The following ELAVL4 variants were observed in gnomAD, a reference collection of about 807,000 sequenced individuals.
ELAVL4 encodes ELAV like RNA binding protein 4.
In ELAVL4, 1 loss-of-function variant was observed where a neutral mutation model predicts 35.6. The observed-to-expected ratio is 0.03, with a 90% CI of 0.01 to 0.13. The LOEUF (loss-of-function observed/expected upper bound fraction) is 0.13, where lower values mean the gene tolerates loss of function less well. ELAVL4 is among the 10% of genes least tolerant of loss of function. The pLI is 1.00. For missense variants in ELAVL4, 267 were observed against 464.9 expected, an observed-to-expected ratio of 0.57 and a Z score of 3.91; for synonymous variants, 156 against 171.0, an observed-to-expected ratio of 0.91 and a Z score of 0.69.
intron 1 of ELAVL4, among the ~76,000 whole-genome samples, chr1:50,058,001 T>C (rs1428207293): frequency 6.6e-6 from 1 of 152,234 alleles, no homozygotes; most frequent in Non-Finnish European, 1.5e-5. Context: ...ATTCTTACAA[T>C]AAAATAATTT....
intron 2 of ELAVL4, among the ~76,000 whole-genome samples, chr1:50,159,247 GATA>G (rs1433296366): frequency 6.6e-6 from 1 of 152,128 alleles, no homozygotes; most frequent in East Asian, 1.9e-4. Flanking sequence ...GCGCTTAATT[GATA>G]ATGTTTTTTA....
intron 1 of ELAVL4, among the ~76,000 whole-genome samples, chr1:50,124,832 G>GA (rs1409844745): frequency 1.3e-5 from 2 of 152,038 alleles, no homozygotes; most frequent in African/African-American, 4.8e-5. Flanking sequence ...CTGTAAACTA[G>GA]GGTTGTTGTG....
In ELAVL4 at chr1:50,202,533, TA is replaced by T. The variant is rs1644429816; in HGVS notation, c.*1357del. 1.3e-5 allele frequency: 2 copies of T among 152,204 alleles called. No individual in the cohort carries two copies. The allele number at this position is 152,204 out of a possible 1,614,324, so 9.4% of individuals were successfully genotyped here. On this transcript the variant is annotated 3_prime_UTR_variant, in exon 7 of 7. Coordinates refer to ENST00000371824, the MANE Select transcript of ELAVL4 (RefSeq NM_001144774.3). ...ATGTTGCTTGAAACACTTATTTATT[TA>T]ATCGCCGATGTGATGATGCCTATGG...
chr1:50,191,745 C>T (rs1398952971), intron 3 of ELAVL4, among the ~76,000 whole-genome samples: 3 of 151,806 alleles, frequency 2.0e-5, no homozygotes, highest in Non-Finnish European at 4.4e-5. Context: ...TGATCTGAGC[C>T]CTGAAGAGGA....
At chr1:50,141,110 A>G (rs1354460942) in intron 1 of ELAVL4, among the ~76,000 whole-genome samples, 1 of 152,194 alleles carries the variant, frequency 6.6e-6, no homozygotes, top group African/African-American at 2.4e-5. Context: ...AGATGTTCAC[A>G]TGGACAAGTG....
At chr1:50,090,353 G>A (rs1665434721) in intron 1 of ELAVL4, among the ~76,000 whole-genome samples, 1 of 152,120 alleles carries the variant, frequency 6.6e-6, no homozygotes, top group Non-Finnish European at 1.5e-5. Context: ...AGCCAGTAGT[G>A]TAGAGAAAGA....
At chr1:50,162,673 T>A (rs1677010721) in intron 2 of ELAVL4, among the ~76,000 whole-genome samples, 1 of 151,032 alleles carries the variant, frequency 6.6e-6, no homozygotes, top group South Asian at 2.1e-4. Context: ...AACCTCTGCC[T>A]CTTGGGTTCA....
At chr1:50,186,745 G>A (rs1681881732) in intron 3 of ELAVL4, among the ~76,000 whole-genome samples, 1 of 152,192 alleles carries the variant, frequency 6.6e-6, no homozygotes, top group South Asian at 2.1e-4. Context: ...AGATTCCAGA[G>A]GGCTTTGAAT....
intron 3 of ELAVL4, among the ~76,000 whole-genome samples, chr1:50,182,989 C>G (rs1681278593): frequency 6.6e-6 from 1 of 151,784 alleles, no homozygotes; most frequent in Non-Finnish European, 1.5e-5. Flanking sequence ...TCCCGAGTAG[C>G]TGGGATTACA....
Position 50,201,130 on chromosome 1 carries a change from C to T in ELAVL4, c.1053C>T (p.Asp351=). Residue 351 remains aspartate (D), a synonymous_variant, in exon 7 of 7, where the codon GAC becomes GAT. Coordinates refer to ENST00000371824, the MANE Select transcript of ELAVL4 (RefSeq NM_001144774.3). This position sits in a 1 kb window ranked among gnomAD's most constrained non-coding sequence, Gnocchi z 4.3. ...IASLNGYRLG[D]RVLQVSFKTN... ...GCCTCAACGGGTACCGCCTGGGAGACAGAGTGTTGCAAGTTTCCTTTAAAA... is the reference window on the plus strand; with the variant it reads ...GCCTCAACGGGTACCGCCTGGGAGATAGAGTGTTGCAAGTTTCCTTTAAAA... 6.2e-7 allele frequency: 1 copy of T among 1,611,098 alleles called. No homozygotes were observed. Among genetic ancestry groups the T allele is most frequent in the Non-Finnish European group, 8.5e-7 (1 of 1,178,460 alleles).
intron 1 of ELAVL4, among the ~76,000 whole-genome samples, chr1:50,055,545 C>T (rs1361142585): frequency 9.2e-5 from 14 of 152,088 alleles, no homozygotes; most frequent in African/African-American, 1.9e-4. Flanking sequence ...GTGATCCACC[C>T]GCCTCGGCCT....
chr1:50,092,616 G>A (rs1665545608), intron 1 of ELAVL4, among the ~76,000 whole-genome samples: 1 of 152,178 alleles, frequency 6.6e-6, no homozygotes, highest in East Asian at 1.9e-4. Context: ...TTCTGCCCAT[G>A]TTTTCATCAT....
At chr1:50,126,759 A>G (rs994941361) in intron 1 of ELAVL4, among the ~76,000 whole-genome samples, 1 of 152,164 alleles carries the variant, frequency 6.6e-6, no homozygotes, top group African/African-American at 2.4e-5. Context: ...CTTTGTTTTC[A>G]TTAGCAATGT....
chr1:50,107,796 C>T (rs1470940015), upstream of ELAVL4, among the ~76,000 whole-genome samples: 1 of 152,112 alleles, frequency 6.6e-6, no homozygotes, highest in Non-Finnish European at 1.5e-5. Flanking sequence ...CTCAGGTAAG[C>T]CACTTAAAAA....
intron 1 of ELAVL4, among the ~76,000 whole-genome samples, chr1:50,066,779 A>C (rs767228798): frequency 2.0e-5 from 3 of 152,108 alleles, no homozygotes; most frequent in Non-Finnish European, 2.9e-5. Flanking sequence ...ACACAAAAGC[A>C]TTTTTTACTC....
intron 1 of ELAVL4, among the ~76,000 whole-genome samples, chr1:50,095,465 A>G (rs1665682007): frequency 6.6e-6 from 1 of 152,142 alleles, no homozygotes; most frequent in South Asian, 2.1e-4. Flanking sequence ...TGAAGCTACA[A>G]ATTAGCTAAA....
intron 1 of ELAVL4, among the ~76,000 whole-genome samples, chr1:50,072,538 G>T (rs1221305539): frequency 6.6e-6 from 1 of 152,096 alleles, no homozygotes; most frequent in Non-Finnish European, 1.5e-5. Context: ...AATGACAAAA[G>T]TTTGGAAAAG....
chr1:50,078,867 A>G (rs1664879975), intron 1 of ELAVL4, among the ~76,000 whole-genome samples: 1 of 152,052 alleles, frequency 6.6e-6, no homozygotes, highest in Non-Finnish European at 1.5e-5. Context: ...CATGCAGGTT[A>G]TGGCTGTTTA....
intron 1 of ELAVL4, among the ~76,000 whole-genome samples, chr1:50,139,707 A>G (rs1010615955): frequency 6.6e-6 from 1 of 152,110 alleles, no homozygotes; most frequent in Non-Finnish European, 1.5e-5. Context: ...CCAGAAGGGA[A>G]CAGAGGGGTG....
Sources: allele counts gnomAD v4.1 joint callset (sites outside exome capture counted in the v4.1 genomes callset), GRCh38; gene constraint gnomAD v4.1.1; non-coding constraint Gnocchi (gnomAD v3.1); transcripts MANE v1.5; gene names NCBI Gene and HGNC (gene_info 2026-07-23, HGNC 2026-07-21).